NLK: variants seen among roughly 807,000 people sequenced by gnomAD.
NLK encodes nemo like kinase.
Under a neutral mutation model 59.0 loss-of-function variants are expected in NLK, and 11 were observed. The ratio of observed to expected loss-of-function variants is 0.19; its 90% confidence interval spans 0.12 to 0.31. The LOEUF (loss-of-function observed/expected upper bound fraction) is 0.31. Among genes scored for constraint, NLK ranks in the 10% least tolerant of loss-of-function variants. NLK has a pLI of 1.00. For missense variants in NLK, 410 were observed against 661.1 expected, an observed-to-expected ratio of 0.62 and a Z score of 4.16; for synonymous variants, 235 against 235.9, an observed-to-expected ratio of 1.00 and a Z score of 0.03.
chr17:28,193,394 A>G (rs964017795), intron 10 of NLK, among the ~76,000 whole-genome samples: 1 of 152,158 alleles, frequency 6.6e-6, no homozygotes, highest in Non-Finnish European at 1.5e-5. Context: ...TCCATCAAAG[A>G]CTGCCTGCCA....
intron 1 of NLK, among the ~76,000 whole-genome samples, chr17:28,062,986 A>G (rs1909716286): frequency 6.6e-6 from 1 of 152,166 alleles, no homozygotes; most frequent in Admixed American, 6.5e-5. Context: ...GTTGGAGTGC[A>G]GTGGCACGAT....
chr17:28,134,367 C>T (rs1353976846), intron 3 of NLK, among the ~76,000 whole-genome samples: 1 of 152,154 alleles, frequency 6.6e-6, no homozygotes, highest in East Asian at 1.9e-4. Context: ...CACCACTGCA[C>T]TATAGCCTGG....
At chr17:28,145,851 G>A (rs148175675) in intron 3 of NLK, among the ~76,000 whole-genome samples, 1 of 151,948 alleles carries the variant, frequency 6.6e-6, no homozygotes, top group African/African-American at 2.4e-5. Context: ...GATTACAGGT[G>A]CCCGCAACCA....
At chr17:28,079,449 A>G (rs1309881376) in intron 1 of NLK, among the ~76,000 whole-genome samples, 1 of 152,184 alleles carries the variant, frequency 6.6e-6, no homozygotes, top group East Asian at 1.9e-4. Context: ...ACTGTTTTCC[A>G]TAGCAACTGG....
intron 1 of NLK, among the ~76,000 whole-genome samples, chr17:28,109,865 G>A (rs1478187909): frequency 2.0e-5 from 3 of 152,134 alleles, no homozygotes; most frequent in Non-Finnish European, 2.9e-5. Context: ...GCAGGGTCAT[G>A]GTAAGTTTAT....
At chr17:28,158,327 A>G (rs1296630671) in intron 3 of NLK, among the ~76,000 whole-genome samples, 1 of 152,214 alleles carries the variant, frequency 6.6e-6, no homozygotes, top group African/African-American at 2.4e-5. Context: ...AAAGATAAAA[A>G]TGGTACACCT....
chr17:28,100,238 T>A (rs1387225438), intron 1 of NLK, among the ~76,000 whole-genome samples: 1 of 152,230 alleles, frequency 6.6e-6, no homozygotes, highest in Non-Finnish European at 1.5e-5. Flanking sequence ...TATATTTAAC[T>A]TTATAAGATA....
intron 2 of NLK, among the ~76,000 whole-genome samples, chr17:28,123,869 C>A (rs1906178896): frequency 6.6e-6 from 1 of 152,114 alleles, no homozygotes; most frequent in South Asian, 2.1e-4. Flanking sequence ...AAAAGAAAAA[C>A]TGCCTCAAAT....
intron 3 of NLK, among the ~76,000 whole-genome samples, chr17:28,155,781 G>A (rs753792551): frequency 1.1e-4 from 17 of 152,028 alleles, no homozygotes; most frequent in Admixed American, 6.6e-5. Flanking sequence ...GGCCTGTCGG[G>A]GGGTGGAGGG....
intron 1 of NLK, among the ~76,000 whole-genome samples, chr17:28,060,017 T>C (rs1009628291): frequency 6.6e-6 from 1 of 152,212 alleles, no homozygotes; most frequent in African/African-American, 2.4e-5. Context: ...TATAACATAG[T>C]TTTTTATGGT....
At chr17:28,138,425 C>T (rs911460472) in intron 3 of NLK, among the ~76,000 whole-genome samples, 4 of 152,150 alleles carry the variant, frequency 2.6e-5, no homozygotes, top group African/African-American at 7.2e-5. Flanking sequence ...GTGAAGTTCT[C>T]ACTCTCAGAA....
In NLK at chr17:28,066,887, C is replaced by T. The variant is rs868306977; in HGVS notation, c.458+23556C>T. 2.0e-5 allele frequency among the ~76,000 whole-genome samples: 3 copies of T among 152,304 alleles called. No individual in the cohort carries two copies. In the South Asian group the frequency reaches 6.2e-4, roughly 32 times the overall value. On this transcript the variant is annotated intron_variant, in intron 1 of 10. Coordinates refer to ENST00000407008, the MANE Select transcript of NLK (RefSeq NM_016231.5). ...ATCTTTTCAAGTGCTTATTAGCTGTCTCTGTATCCTTTTTTGTAAAGTATC... is the reference window on the plus strand; with the variant it reads ...ATCTTTTCAAGTGCTTATTAGCTGTTTCTGTATCCTTTTTTGTAAAGTATC...
chr17:28,049,449 C>T (rs920849381), intron 1 of NLK, among the ~76,000 whole-genome samples: 3 of 152,260 alleles, frequency 2.0e-5, no homozygotes. Context: ...TTTGCAAGCA[C>T]CAAATGGGGA....
intron 3 of NLK, among the ~76,000 whole-genome samples, chr17:28,148,450 G>A (rs895782889): frequency 1.3e-5 from 2 of 152,122 alleles, no homozygotes; most frequent in Admixed American, 6.5e-5. Flanking sequence ...TTTATAATTT[G>A]ACTAAAGAAG....
At chr17:28,176,978 G>T (rs574346683) in intron 7 of NLK, among the ~76,000 whole-genome samples, 19 of 152,106 alleles carry the variant, frequency 1.2e-4, no homozygotes, top group Admixed American at 1.2e-3. Flanking sequence ...AACACATTTT[G>T]TATGTTTATA....
intron 7 of NLK, among the ~76,000 whole-genome samples, chr17:28,181,883 G>T (rs535212822): frequency 6.6e-6 from 1 of 152,130 alleles, no homozygotes; most frequent in African/African-American, 2.4e-5. Context: ...GGTGGCGCAC[G>T]TCTGTAGTCC....
chr17:28,103,806 G>A (rs997843695), intron 1 of NLK, among the ~76,000 whole-genome samples: 1 of 152,134 alleles, frequency 6.6e-6, no homozygotes, highest in Non-Finnish European at 1.5e-5. Flanking sequence ...AGACTGATAA[G>A]TTCTTTGAAA....
chr17:28,149,910 G>A (rs1907411793), intron 3 of NLK, among the ~76,000 whole-genome samples: 1 of 152,168 alleles, frequency 6.6e-6, no homozygotes, highest in South Asian at 2.1e-4. Flanking sequence ...GGCAAGGGAA[G>A]GAATACTACA....
intron 3 of NLK, among the ~76,000 whole-genome samples, chr17:28,154,572 A>G (rs1907621648): frequency 6.6e-6 from 1 of 152,196 alleles, no homozygotes; most frequent in African/African-American, 2.4e-5. Context: ...CTCCTGACAT[A>G]TTATGTAAAA....
Sources: gnomAD v4.1 joint callset for allele counts (sites outside exome capture counted in the v4.1 genomes callset) on GRCh38, gnomAD v4.1.1 for gene constraint, MANE v1.5 for transcripts, NCBI Gene and HGNC (gene_info 2026-07-23, HGNC 2026-07-21) for gene names.